DDX24: variants seen among roughly 807,000 people sequenced by gnomAD.
DDX24 encodes DEAD-box helicase 24, also known as ATP-dependent RNA helicase DDX24.
A neutral mutation model predicts 68.9 loss-of-function variants in DDX24; 24 were observed. The ratio of observed to expected loss-of-function variants is 0.35; its 90% confidence interval spans 0.25 to 0.49. The LOEUF (loss-of-function observed/expected upper bound fraction) is 0.49, where lower values mean the gene tolerates loss of function less well. DDX24 is among the 20% of genes least tolerant of loss of function. The pLI is 0.99. For synonymous variants in DDX24, 395 were observed against 385.2 expected, an observed-to-expected ratio of 1.03 and a Z score of -0.30; for missense variants, 989 against 1,039.0, an observed-to-expected ratio of 0.95 and a Z score of 0.66.
intron 1 of DDX24, among the ~76,000 whole-genome samples, chr14:94,080,839 G>C (rs1381192181): frequency 2.0e-5 from 3 of 152,244 alleles, no homozygotes; most frequent in Non-Finnish European, 4.4e-5. Context: ...CGTGACGCCG[G>C]TCCCGCGCGG....
chr14:94,069,600 C>T (rs1398313279), intron 2 of DDX24, among the ~76,000 whole-genome samples: 1 of 152,112 alleles, frequency 6.6e-6, no homozygotes, highest in African/African-American at 2.4e-5. Context: ...AACATAGATC[C>T]TAAAATCCTT....
chr14:94,053,358 CTTTTTT>C (rs1160011824), intron 7 of DDX24: 361 of 124,478 alleles, frequency 2.9e-3, no homozygotes, highest in Middle Eastern at 0.012. Context: ...TAGGTAATTT[CTTTTTT>C]TTTTTTTTTT....
intron 2 of DDX24, among the ~76,000 whole-genome samples, chr14:94,077,998 G>C (rs1197331345): frequency 6.6e-6 from 1 of 151,414 alleles, no homozygotes; most frequent in Non-Finnish European, 1.5e-5. Flanking sequence ...CGTGGGTTCT[G>C]CATCTGTGGA....
In DDX24 at chr14:94,060,176, A is replaced by T; in HGVS notation, c.1835T>A (p.Ile612Asn). 1 of 1,614,198 alleles carries T rather than the reference A, an allele frequency of 6.2e-7. No individual in the cohort carries two copies. Among genetic ancestry groups the T allele is most frequent in the Non-Finnish European group, 8.5e-7 (1 of 1,180,034 alleles). The change falls in exon 5 of 9, where the codon ATC becomes AAC. Residue 612 changes from isoleucine (I) to asparagine (N), a missense_variant. Transcript: ENST00000621632. ...ACAGGCATGCAGGGTCAAGGGCATG[A>T]TATCAAGGACTTTGAGGAGCCCAGA... ...RLSGLLKVLDIMPLTLHACMH... is the reference protein window; with the variant it reads ...RLSGLLKVLDNMPLTLHACMH...
rs763968440 is a variant in DDX24, at chr14:94,055,010, T to C, written c.2164A>G (p.Met722Val). 6.2e-6 allele frequency: 10 copies of C among 1,614,062 alleles called. No homozygotes were observed. In the Admixed American group the frequency reaches 1.7e-4, roughly 27 times the overall value. The change falls in exon 7 of 9, where the codon ATG becomes GTG. Residue 722 changes from methionine (M) to valine (V), a missense_variant. Met to Val is a conservative substitution (Grantham distance 21). Around this residue, in one of 3 missense-constraint regions of DDX24, gnomAD observed 691 missense variants for 760.0 expected, o/e 0.91. Transcript: ENST00000621632. ...CTGCTTTCTACCTTGACCACATCCA[T>C]GTATTTTGTCTGCACGGGGAACAGT... ...IPLFPVQTKY[M>V]DVVKERIRLA...
chr14:94,060,827 G>T, intron 4 of DDX24, 86 bp downstream of exon 4: 1 of 1,554,942 alleles, frequency 6.4e-7, no homozygotes. Context: ...ATTCTGCGAT[G>T]AGAAGAAGGC....
chr14:94,073,878 C>T (rs1308307747), intron 2 of DDX24, among the ~76,000 whole-genome samples: 1 of 151,738 alleles, frequency 6.6e-6, no homozygotes, highest in Non-Finnish European at 1.5e-5. Flanking sequence ...CCTGTCTCTA[C>T]TAAAAATACA....
chr14:94,067,959 A>G (rs1313991060), intron 2 of DDX24, among the ~76,000 whole-genome samples: 1 of 152,286 alleles, frequency 6.6e-6, no homozygotes, highest in African/African-American at 2.4e-5. Flanking sequence ...AAACAAAACT[A>G]AAGTACACAG....
intron 2 of DDX24, among the ~76,000 whole-genome samples, chr14:94,076,182 T>C (rs1039522636): frequency 1.3e-5 from 2 of 152,154 alleles, no homozygotes; most frequent in Non-Finnish European, 2.9e-5. Context: ...ATATTTGTAA[T>C]AGCCAAAAAC....
rs183865321 is a variant in DDX24, at chr14:94,048,662, G to A, written c.*2529C>T. 8.7e-4 allele frequency: 133 copies of A among 152,314 alleles called. No individual in the cohort carries two copies. Among genetic ancestry groups the A allele is most frequent in the African/African-American group, 3.1e-3 (127 of 41,564 alleles). The allele number at this position is 152,314 out of a possible 1,614,324, so 9.4% of individuals were successfully genotyped here. On this transcript the variant is annotated 3_prime_UTR_variant, in exon 9 of 9. Coordinates refer to ENST00000621632, the MANE Select transcript of DDX24 (RefSeq NM_020414.4). ...GGATATTCCCCAACCTGTCCTTCCT[G>A]ACAGGAAGCATAGGGCACTGCAGAT... is the stretch of plus-strand genomic sequence containing the variant.
At chr14:94,079,891 GAACA>G in intron 1 of DDX24, 144 bp from the exon 2 acceptor site, 1 of 760,766 alleles carries the variant, frequency 1.3e-6, no homozygotes, top group South Asian at 1.7e-5. Context: ...ACCTAGAGAA[GAACA>G]AAGAATACCA....
chr14:94,055,577 G>C lies in DDX24; in HGVS notation c.1990-393C>G, dbSNP rs187147598. 407 of 197,210 alleles carry C rather than the reference G, an allele frequency of 2.1e-3. 2 individuals are homozygous for C. The highest frequency in any genetic ancestry group is 9.5e-4 in the Non-Finnish European group (91 of 96,272). 12.2% of individuals were successfully genotyped at this position (197,210 alleles called of 1,614,324 possible). ...TGGCATGGTTGCTAACACACCCACT[G>C]AGCCCCTGGCACACACCATTAATCA... On this transcript the variant is annotated intron_variant, in intron 6 of 8. Coordinates refer to ENST00000621632, the MANE Select transcript of DDX24 (RefSeq NM_020414.4).
intron 2 of DDX24, among the ~76,000 whole-genome samples, chr14:94,071,346 C>T (rs921498228): frequency 6.6e-6 from 1 of 152,116 alleles, no homozygotes; most frequent in Non-Finnish European, 1.5e-5. Flanking sequence ...ATCAAAAAAT[C>T]AAAAAACAGT....
In DDX24 at chr14:94,060,231, C is replaced by T. The variant is rs768249842; in HGVS notation, c.1780G>A (p.Ala594Thr). 2.5e-6 allele frequency: 4 copies of T among 1,614,092 alleles called. No homozygotes were observed. The highest frequency in any genetic ancestry group is 2.5e-6 in the Non-Finnish European group (3 of 1,180,048). Residue 594 changes from alanine to threonine, a missense_variant, in exon 5 of 9, where the codon GCC (alanine) becomes ACC (threonine). Ala to Thr is a moderately conservative substitution (Grantham distance 58). Around this residue, in one of 3 missense-constraint regions of DDX24, gnomAD observed 691 missense variants for 760.0 expected, o/e 0.91. Coordinates refer to ENST00000621632, the MANE Select transcript of DDX24 (RefSeq NM_020414.4). Reference protein sequence around the residue: ...MQYPGRSLVFANSISCIKRLS... With the variant: ...MQYPGRSLVFTNSISCIKRLS... The stretch of plus-strand genomic sequence containing the variant: ...CGTTTGATGCAGGAGATACTGTTGG[C>T]AAACACTAAGCTGCGGCCTGGATAC...
At chr14:94,078,796 T>C (rs1371203934) in intron 2 of DDX24, among the ~76,000 whole-genome samples, 1 of 152,208 alleles carries the variant, frequency 6.6e-6, no homozygotes, top group Non-Finnish European at 1.5e-5. Flanking sequence ...TATCTCCATT[T>C]GGTTGATAAT....
chr14:94,079,338 A>G lies in DDX24; in HGVS notation c.405T>C (p.Asp135=). ...LEAQGDDMVC[D]DPEAGEMTSE... ...ATGTCATCTCCCCAGCCTCCGGATC[A>G]TCACAAACCATGTCATCTCCCTGGG... Residue 135 remains aspartate (D), a synonymous_variant, in exon 2 of 9, where the codon GAT becomes GAC. Transcript: ENST00000621632. 1.2e-6 allele frequency: 2 copies of G among 1,614,058 alleles called. No homozygotes were observed. Among genetic ancestry groups the G allele is most frequent in the Non-Finnish European group, 1.7e-6 (2 of 1,180,020 alleles).
At chr14:94,051,614 G>A (rs1034260950) in intron 8 of DDX24, 152 bp from the exon 9 acceptor site, 1 of 995,636 alleles carries the variant, frequency 1.0e-6, no homozygotes, top group African/African-American at 1.6e-5. Context: ...TGGCTTGGCA[G>A]GGGCTGTAAA....
At chr14:94,056,985 G>A (rs879832461) in intron 6 of DDX24, 3 of 152,144 alleles carry the variant, frequency 2.0e-5, no homozygotes, top group East Asian at 1.9e-4. Context: ...AATTAAAGAG[G>A]AAAAATGATA....
At chr14:94,054,538 G>A (rs1885455432) in intron 7 of DDX24, among the ~76,000 whole-genome samples, 1 of 152,140 alleles carries the variant, frequency 6.6e-6, no homozygotes, top group Admixed American at 6.5e-5. Flanking sequence ...CCCCACTTTG[G>A]TCACTAATAC....
Sources: allele counts gnomAD v4.1 joint callset (sites outside exome capture counted in the v4.1 genomes callset), GRCh38; gene constraint gnomAD v4.1.1; regional missense constraint gnomAD v4.1.1; transcripts MANE v1.5; gene names NCBI Gene and HGNC (gene_info 2026-07-23, HGNC 2026-07-21).